ARNT: variants seen among roughly 807,000 people sequenced by gnomAD.
ARNT encodes the protein aryl hydrocarbon receptor nuclear translocator.
A neutral mutation model predicts 105.0 loss-of-function variants in ARNT; 30 were observed. The ratio of observed to expected loss-of-function variants is 0.29; its 90% CI spans 0.21 to 0.39. ARNT has a LOEUF of 0.39. Among genes scored for constraint, ARNT ranks in the 10% least tolerant of loss-of-function variants. The probability of loss-of-function intolerance (pLI) is 1.00; values close to 1 mark genes in which losing one functional copy is unlikely to be tolerated. For missense variants in ARNT, 748 were observed against 978.7 expected (o/e 0.76, Z 3.15); for synonymous variants, 304 against 344.0 (o/e 0.88, Z 1.29).
chr1:150,868,164 C>T (rs1240974646), intron 1 of ARNT, among the ~76,000 whole-genome samples: 1 of 151,862 alleles, frequency 6.6e-6, no homozygotes, highest in East Asian at 1.9e-4. Context: ...CTATTTAGTT[C>T]TAGCCCCAAG....
intron 12 of ARNT, 105 bp downstream of exon 12, chr1:150,828,987 TC>T: frequency 7.5e-7 from 1 of 1,326,262 alleles, no homozygotes; most frequent in Admixed American, 2.5e-5. Flanking sequence ...GATCTCTTTT[TC>T]TTAACTGAGG....
intron 11 of ARNT, chr1:150,829,468 A>G (rs1387358251): frequency 3.4e-6 from 2 of 596,682 alleles, no homozygotes; most frequent in South Asian, 3.5e-5. Flanking sequence ...AAGTTTATTC[A>G]ATCTAAAATC....
At chr1:150,848,720 T>C (rs1360043026) in intron 3 of ARNT, among the ~76,000 whole-genome samples, 1 of 152,020 alleles carries the variant, frequency 6.6e-6, no homozygotes, top group Non-Finnish European at 1.5e-5. Context: ...TTTGTACAGA[T>C]GGAGTTTTGC....
Position 150,817,110 on chromosome 1 carries a change from A to G in ARNT, c.1671T>C (p.Phe557=). The change falls in exon 17 of 22, where the codon TTT becomes TTC. Residue 557 remains phenylalanine, a synonymous_variant. Transcript: ENST00000358595. ...CATTGATGTTGTGATAGATTTCTGA[A>G]AATCTTGGATCTCTATCCTGGGCAA... ...GLFAQDRDPR[F]SEIYHNINAD... is the part of the protein sequence containing the mutation. 1 of 1,614,198 alleles carries G rather than the reference A, an allele frequency of 6.2e-7. No homozygotes were observed. Among genetic ancestry groups the G allele is most frequent in the Non-Finnish European group, 8.5e-7 (1 of 1,180,042 alleles).
Position 150,818,118 on chromosome 1 carries a change from T to C in ARNT, c.1395-88A>G, listed in dbSNP as rs1656330199. On this transcript the variant is annotated intron_variant, in intron 14 of 21. Coordinates refer to ENST00000358595, the MANE Select transcript of ARNT (RefSeq NM_001668.4). Reference sequence around the variant, plus strand: ...AAAGAGAAGAATAAGATTCTGTATGTAAAGCTCTATAGATTCATCTGTAGG... The same window carrying C: ...AAAGAGAAGAATAAGATTCTGTATGCAAAGCTCTATAGATTCATCTGTAGG... 3 of 905,816 alleles carry C rather than the reference T, an allele frequency of 3.3e-6. No individual in the cohort carries two copies. The South Asian group carries it at 4.7e-5, about 14-fold the overall frequency. 56.1% of individuals were successfully genotyped at this position (905,816 alleles called of 1,614,324 possible).
chr1:150,812,155 C>CT (rs2101495001), intron 21 of ARNT, 45 bp from the exon 22 acceptor site: 1 of 1,389,896 alleles, frequency 7.2e-7, no homozygotes. Context: ...ACCTTGATCT[C>CT]TTACACTTAC....
rs1157879494 is a variant in ARNT, at chr1:150,817,114, C to A, written c.1667G>T (p.Arg556Ile). ...DGLFAQDRDP[R>I]FSEIYHNINA... ...GATGTTGTGATAGATTTCTGAAAATCTTGGATCTCTATCCTGGGCAAATAA... is the reference window on the plus strand; with the variant it reads ...GATGTTGTGATAGATTTCTGAAAATATTGGATCTCTATCCTGGGCAAATAA... Residue 556 changes from arginine to isoleucine, a missense_variant, in exon 17 of 22, where the codon AGA becomes ATA. Arg to Ile is a moderately conservative substitution (Grantham distance 97). Coordinates refer to ENST00000358595, the MANE Select transcript of ARNT (RefSeq NM_001668.4). 8 of 1,614,140 alleles carry A rather than the reference C, an allele frequency of 5.0e-6. No homozygotes were observed. Among genetic ancestry groups the A allele is most frequent in the Non-Finnish European group, 6.8e-6 (8 of 1,180,020 alleles).
At chr1:150,855,477 G>GC in intron 2 of ARNT, among the ~76,000 whole-genome samples, 1 of 151,988 alleles carries the variant, frequency 6.6e-6, no homozygotes, top group Non-Finnish European at 1.5e-5. Flanking sequence ...CAGGAGAATA[G>GC]CATGAACCCA....
chr1:150,822,839 C>T (rs1657388473), intron 14 of ARNT, among the ~76,000 whole-genome samples: 1 of 152,204 alleles, frequency 6.6e-6, no homozygotes, highest in Admixed American at 6.5e-5. Flanking sequence ...GGATCTGATG[C>T]TATCTCCAAG....
chr1:150,827,224 A>G (rs768586972), intron 12 of ARNT, among the ~76,000 whole-genome samples: 2 of 152,196 alleles, frequency 1.3e-5, no homozygotes, highest in African/African-American at 2.4e-5. Context: ...TAAGTGTATG[A>G]TTTGATGATG....
intron 2 of ARNT, among the ~76,000 whole-genome samples, 168 bp downstream of exon 2, chr1:150,858,181 A>C (rs989535647): frequency 1.3e-5 from 2 of 152,222 alleles, no homozygotes; most frequent in Admixed American, 1.3e-4. Context: ...AATTCTTCAT[A>C]AACAAAAATA....
chr1:150,830,099 C>T, intron 10 of ARNT, 119 bp from the exon 11 acceptor site: 2 of 1,131,698 alleles, frequency 1.8e-6, no homozygotes, highest in East Asian at 2.6e-5. Context: ...TGGCTGACGC[C>T]TGTAATCCCA....
Position 150,813,244 on chromosome 1 carries a change from A to G in ARNT, c.2208T>C (p.His736=). 6.2e-7 allele frequency: 1 copy of G among 1,613,910 alleles called. No homozygotes were observed. The highest frequency in any genetic ancestry group is 1.1e-5 in the South Asian group (1 of 90,980). ...CATGTTGCTCACTAGAACTTGAACG[A>G]TGATGAGGCTGCTGGCCCTGCCACT... is the stretch of plus-strand genomic sequence containing the variant. ...WPQWQGQQPH[H]RSSSSEQHVQ... Residue 736 remains histidine (H), a synonymous_variant, in exon 21 of 22, where the codon CAT becomes CAC. Transcript: ENST00000358595.
chr1:150,852,597 T>C (rs1380140076), intron 3 of ARNT, among the ~76,000 whole-genome samples, 165 bp downstream of exon 3: 1 of 152,170 alleles, frequency 6.6e-6, no homozygotes. Flanking sequence ...TCTCTAGAGA[T>C]ATTAACGGAA....
At chr1:150,831,642 C>T in intron 10 of ARNT, 176 bp downstream of exon 10, 1 of 555,978 alleles carries the variant, frequency 1.8e-6, no homozygotes, top group Non-Finnish European at 3.1e-6. Flanking sequence ...ATCTCCTCAA[C>T]TGGAATAAAA....
chr1:150,850,063 C>A (rs1433783440), intron 3 of ARNT, among the ~76,000 whole-genome samples: 1 of 152,052 alleles, frequency 6.6e-6, no homozygotes, highest in Non-Finnish European at 1.5e-5. Flanking sequence ...AAAAAACAAA[C>A]AAATAAATAG....
intron 1 of ARNT, among the ~76,000 whole-genome samples, chr1:150,866,532 G>A (rs2102415195): frequency 6.6e-6 from 1 of 152,272 alleles, no homozygotes; most frequent in South Asian, 2.1e-4. Flanking sequence ...AAATAAAAAT[G>A]ATGCCACTGG....
At chr1:150,866,300 T>C (rs1666583968) in intron 1 of ARNT, among the ~76,000 whole-genome samples, 1 of 152,158 alleles carries the variant, frequency 6.6e-6, no homozygotes, top group South Asian at 2.1e-4. Context: ...TCCAAGGTCT[T>C]CTACTTTCCA....
Position 150,812,090 on chromosome 1 carries a change from T to C in ARNT, c.2301A>G (p.Gly767=), listed in dbSNP as rs1654838472. The change falls in exon 22 of 22, where the codon GGA becomes GGG. Residue 767 remains glycine, a synonymous_variant. Transcript: ENST00000358595. ...EVFQEMLSML[G]DQSNSYNNEE... is the part of the protein sequence containing the mutation. Reference sequence around the variant, plus strand: ...CATTGTTGTAGCTGTTGCTCTGATCTCCCAGCATGGACAGCATCTCCTGAT... The same window carrying C: ...CATTGTTGTAGCTGTTGCTCTGATCCCCCAGCATGGACAGCATCTCCTGAT... 1.3e-6 allele frequency: 2 copies of C among 1,572,814 alleles called. No individual in the cohort carries two copies. Among genetic ancestry groups the C allele is most frequent in the African/African-American group, 2.7e-5 (2 of 73,384 alleles).
Sources: gnomAD v4.1 joint callset for allele counts (sites outside exome capture counted in the v4.1 genomes callset) on GRCh38, gnomAD v4.1.1 for gene constraint, MANE v1.5 for transcripts, NCBI Gene and HGNC (gene_info 2026-07-23, HGNC 2026-07-21) for gene names.